PRKCB: variants seen among roughly 807,000 people sequenced by gnomAD.
PRKCB encodes the protein protein kinase C beta, also known as protein kinase C beta type.
In PRKCB, 13 loss-of-function variants were observed where a neutral mutation model predicts 81.5. The ratio of observed to expected loss-of-function variants is 0.16; its 90% CI spans 0.10 to 0.25. The LOEUF (loss-of-function observed/expected upper bound fraction) is 0.25, where lower values mean the gene tolerates loss of function less well. PRKCB is among the 10% of genes least tolerant of loss of function. PRKCB has a pLI of 1.00. For synonymous variants in PRKCB, 335 were observed against 321.4 expected (o/e 1.04, Z -0.45); for missense variants, 509 against 875.7 (o/e 0.58, Z 5.29).
intron 7 of PRKCB, chr16:24,099,971 CAA>C (rs35019900): frequency 1.7e-3 from 169 of 99,912 alleles, no homozygotes; most frequent in African/African-American, 2.1e-3. Flanking sequence ...GACTCCATCT[CAA>C]AAAAAAAAAA....
intron 5 of PRKCB, among the ~76,000 whole-genome samples, chr16:24,064,202 A>C (rs1024331270): frequency 6.6e-6 from 1 of 152,286 alleles, no homozygotes; most frequent in South Asian, 2.1e-4. Context: ...GCAAATGGGA[A>C]CATACACATA....
At position 24,217,790 on chromosome 16, in the gene PRKCB, C is replaced by T; in HGVS notation, c.*2974C>T. The T allele has an allele frequency of 1.0e-6, 1 of 985,414 alleles. No individual in the cohort carries two copies. Among genetic ancestry groups the T allele is most frequent in the Non-Finnish European group, 1.2e-6 (1 of 829,938 alleles). The allele number at this position is 985,414 out of a possible 1,614,324, so 61.0% of individuals were successfully genotyped here. On this transcript the variant is annotated 3_prime_UTR_variant, in exon 17 of 17. Coordinates refer to ENST00000643927, the MANE Select transcript of PRKCB (RefSeq NM_002738.7). ...ACCTAAAAAAAAGGCAGCTTTGTGTCTTCTAGCTCCAAATATACCTGCCTT... is the reference window on the plus strand; with the variant it reads ...ACCTAAAAAAAAGGCAGCTTTGTGTTTTCTAGCTCCAAATATACCTGCCTT...
chr16:24,009,962 T>G (rs547296581), intron 3 of PRKCB, among the ~76,000 whole-genome samples: 1 of 152,232 alleles, frequency 6.6e-6, no homozygotes, highest in Admixed American at 6.5e-5. Context: ...GAGATCATGC[T>G]ACTGCACTCC....
At chr16:24,090,557 A>G (rs1966363903) in intron 5 of PRKCB, among the ~76,000 whole-genome samples, 1 of 152,206 alleles carries the variant, frequency 6.6e-6, no homozygotes, top group South Asian at 2.1e-4. Flanking sequence ...CCAAAGGAGT[A>G]GCTAAAATGC....
chr16:24,037,566 T>C (rs572532524), intron 5 of PRKCB, among the ~76,000 whole-genome samples: 1 of 152,298 alleles, frequency 6.6e-6, no homozygotes, highest in East Asian at 1.9e-4. Flanking sequence ...CTTTTTTGTT[T>C]AGTTTAGTTT....
intron 2 of PRKCB, chr16:23,893,459 A>G (rs1963325319): frequency 6.6e-6 from 1 of 152,274 alleles, no homozygotes; most frequent in Admixed American, 6.5e-5. Context: ...CCTTAGCAGT[A>G]GCCTTCAGTG....
At position 24,092,871 on chromosome 16, in the gene PRKCB, C is replaced by A; in HGVS notation, c.610C>A (p.Pro204Thr). 1 of 1,614,100 alleles carries A rather than the reference C, an allele frequency of 6.2e-7. No homozygotes were observed. The highest frequency in any genetic ancestry group is 2.2e-5 in the East Asian group (1 of 44,866). Residue 204 changes from proline to threonine, a missense_variant, in exon 6 of 17, where the codon CCC becomes ACC. This residue lies in a region of PRKCB where 184 missense variants were observed against 362.9 expected (regional missense o/e 0.51). Coordinates refer to ENST00000643927, the MANE Select transcript of PRKCB (RefSeq NM_002738.7). ...CGTAAAACTGAAACTGATTCCCGAT[C>A]CCAAAAGTGAGAGCAAACAGAAGAC... ...PYVKLKLIPDPKSESKQKTKT... is the reference protein window; with the variant it reads ...PYVKLKLIPDTKSESKQKTKT...
At chr16:23,887,817 G>A (rs1013462215) in intron 2 of PRKCB, among the ~76,000 whole-genome samples, 9 of 110,168 alleles carry the variant, frequency 8.2e-5, no homozygotes, top group Non-Finnish European at 2.0e-5. Context: ...TTCACCAACA[G>A]TGTAAGAGCG....
At chr16:24,104,108 G>A (rs1238624922) in intron 7 of PRKCB, among the ~76,000 whole-genome samples, 2 of 152,154 alleles carry the variant, frequency 1.3e-5, no homozygotes, top group Non-Finnish European at 2.9e-5. Context: ...CCCAGCTAAG[G>A]TCCAGATCTT....
At chr16:23,981,774 TCCC>T (rs1169346864) in intron 2 of PRKCB, among the ~76,000 whole-genome samples, 3 of 37,064 alleles carry the variant, frequency 8.1e-5, no homozygotes, top group African/African-American at 3.6e-4. Context: ...CCCCTTCCCT[TCCC>T]CTTCCCTTCC....
chr16:24,180,750 A>G (rs1268362885), intron 12 of PRKCB, 40 bp from the exon 13 acceptor site: 1 of 1,601,274 alleles, frequency 6.2e-7, no homozygotes, highest in East Asian at 2.2e-5. Flanking sequence ...TGAAATGCAT[A>G]GCGTTTAATT....
rs1165200052 is a variant in PRKCB at position 24,217,748 on chromosome 16, T to C, written c.*2932T>C. 6 of 985,286 alleles carry C rather than the reference T, an allele frequency of 6.1e-6. No individual in the cohort carries two copies. The highest frequency in any genetic ancestry group is 7.2e-6 in the Non-Finnish European group (6 of 829,954). 61.0% of individuals were successfully genotyped at this position (985,286 alleles called of 1,614,324 possible). On this transcript the variant is annotated 3_prime_UTR_variant, in exon 17 of 17. Transcript: ENST00000643927. The stretch of plus-strand genomic sequence containing the variant: ...ACAGGCAGGGAAAGCGAAATAGGGT[T>C]GATGAGACCAGGGGAGACCTAAAAA...
rs1968209356 is a variant in PRKCB, at chr16:24,215,313, A to G, written c.*497A>G. On this transcript the variant is annotated 3_prime_UTR_variant, in exon 17 of 17. Coordinates refer to ENST00000643927, the MANE Select transcript of PRKCB (RefSeq NM_002738.7). ...CCAGACCTTGAAAAGAACATGCTCA[A>G]AATAAAATGTTATCTGTTATTTTTG... 8 of 986,362 alleles carry G rather than the reference A, an allele frequency of 8.1e-6. No homozygotes were observed. The highest frequency in any genetic ancestry group is 9.6e-6 in the Non-Finnish European group (8 of 830,228). 61.1% of individuals were successfully genotyped at this position (986,362 alleles called of 1,614,324 possible).
chr16:24,183,622 T>C (rs1019263736), intron 13 of PRKCB, among the ~76,000 whole-genome samples: 6 of 152,224 alleles, frequency 3.9e-5, no homozygotes, highest in African/African-American at 1.4e-4. Flanking sequence ...ATTCTAGGAT[T>C]AGTTAACATT....
intron 2 of PRKCB, among the ~76,000 whole-genome samples, chr16:23,920,998 A>G (rs1461491726): frequency 1.3e-5 from 2 of 152,216 alleles, no homozygotes; most frequent in Non-Finnish European, 2.9e-5. Flanking sequence ...ACATGGTGGC[A>G]GGCAGGAGAC....
At chr16:24,132,273 G>A (rs1386746181) in intron 9 of PRKCB, among the ~76,000 whole-genome samples, 1 of 152,188 alleles carries the variant, frequency 6.6e-6, no homozygotes, top group African/African-American at 2.4e-5. Context: ...GGCTTGCTCA[G>A]GGGAGTAGGG....
chr16:24,196,981 T>C (rs1967889380), intron 16 of PRKCB, among the ~76,000 whole-genome samples: 1 of 152,186 alleles, frequency 6.6e-6, no homozygotes, highest in Non-Finnish European at 1.5e-5. Context: ...GCAGACTCTG[T>C]CGCTGAGTGC....
At chr16:23,987,642 G>A (rs993724781) in intron 2 of PRKCB, among the ~76,000 whole-genome samples, 1 of 152,060 alleles carries the variant, frequency 6.6e-6, no homozygotes, top group Non-Finnish European at 1.5e-5. Context: ...ACTAGGGATG[G>A]CCTTGAGGTT....
intron 2 of PRKCB, among the ~76,000 whole-genome samples, chr16:23,889,279 TCA>T: frequency 6.6e-6 from 1 of 152,332 alleles, no homozygotes; most frequent in East Asian, 1.9e-4. Context: ...TGATCTTGGT[TCA>T]GTTTTAAAAC....
Sources: allele counts gnomAD v4.1 joint callset (sites outside exome capture counted in the v4.1 genomes callset), GRCh38; gene constraint gnomAD v4.1.1; regional missense constraint gnomAD v4.1.1; transcripts MANE v1.5; gene names NCBI Gene and HGNC (gene_info 2026-07-23, HGNC 2026-07-21).